Variants in ALMS1 observed in about 807,000 individuals in gnomAD.
The protein encoded by ALMS1 is ALMS1 centrosome and basal body associated protein, also known as centrosome-associated protein ALMS1.
ALMS1 carries 271 observed loss-of-function variants against 352.2 expected under a neutral mutation model. The observed-to-expected ratio is 0.77, with a 90% CI of 0.70 to 0.85. The LOEUF (loss-of-function observed/expected upper bound fraction) is 0.85. Among genes scored for constraint, ALMS1 ranks in the 40% least tolerant of loss-of-function variants. The probability of loss-of-function intolerance (pLI) is 0.00; values close to 1 mark genes in which losing one functional copy is unlikely to be tolerated. For synonymous variants in ALMS1, 1,865 were observed against 1,761.2 expected, an observed-to-expected ratio of 1.06 and a Z score of -1.48; for missense variants, 5,445 against 4,870.7, an observed-to-expected ratio of 1.12 and a Z score of -3.51.
Position 73,608,507 on chromosome 2 carries a change from A to T in ALMS1, c.12395A>T (p.Lys4132Met). 6.2e-7 allele frequency: 1 copy of T among 1,613,824 alleles called. No homozygotes were observed. The highest frequency in any genetic ancestry group is 8.5e-7 in the Non-Finnish European group (1 of 1,179,790). ...GAGCAGCTTCCAGAAGTACAGAAAA[A>T]GAGAGAAGAAGAGAAGAGAAAATCA... is the stretch of plus-strand genomic sequence containing the variant. ...IYEQLPEVQK[K>M]REEEKRKSEY... Residue 4132 changes from lysine (K) to methionine (M), a missense_variant, in exon 22 of 23, where the codon AAG (lysine) becomes ATG (methionine). Physicochemically the swap from Lys to Met is moderately conservative, Grantham distance 95. Transcript: ENST00000613296.
Position 73,519,939 on chromosome 2 carries a change from A to C in ALMS1, c.9704A>C (p.Gln3235Pro). The C allele has an allele frequency of 6.2e-7, 1 of 1,614,152 alleles. No individual in the cohort carries two copies. Among genetic ancestry groups the C allele is most frequent in the East Asian group, 2.2e-5 (1 of 44,874 alleles). Residue 3235 changes from glutamine (Q) to proline (P), a missense_variant, in exon 11 of 23, where the codon CAG becomes CCG. By Grantham distance (76) the Gln-to-Pro change is moderately conservative (BLOSUM62 -1). Transcript: ENST00000613296. ...CATGAAATTATAGAGCCTGGTAACC[A>C]GAAGCTACGCAAAGCTCCTGTCAAG... ...RGHEIIEPGN[Q>P]KLRKAPVKFA... is the part of the protein sequence containing the mutation.
intron 9 of ALMS1, among the ~76,000 whole-genome samples, chr2:73,476,088 C>T (rs1307368750): frequency 1.3e-5 from 2 of 152,066 alleles, no homozygotes; most frequent in African/African-American, 4.8e-5. Flanking sequence ...CACCATTCTA[C>T]TTTCTGTCTC....
At chr2:73,584,720 T>C (rs1675269479) in intron 16 of ALMS1, among the ~76,000 whole-genome samples, 1 of 152,180 alleles carries the variant, frequency 6.6e-6, no homozygotes. Flanking sequence ...GAGATTTTGG[T>C]GCACCCATCA....
At chr2:73,477,369 G>T (rs1672604617) in intron 9 of ALMS1, among the ~76,000 whole-genome samples, 1 of 152,006 alleles carries the variant, frequency 6.6e-6, no homozygotes, top group Admixed American at 6.6e-5. Context: ...CCAGCACTGT[G>T]CTGTCTTGAT....
rs1324095620 is a variant in ALMS1 at position 73,559,088 on chromosome 2, G to A, written c.10330G>A (p.Val3444Ile). 17 of 1,614,006 alleles carry A rather than the reference G, an allele frequency of 1.1e-5. No individual in the cohort carries two copies. Among genetic ancestry groups the A allele is most frequent in the South Asian group, 4.4e-5 (4 of 91,068 alleles). The change falls in exon 15 of 23, where the codon GTT becomes ATT. Residue 3444 changes from valine to isoleucine, a missense_variant. Coordinates refer to ENST00000613296, the MANE Select transcript of ALMS1 (RefSeq NM_001378454.1). ...AGAGGAGATCCATAGGAAGAAGACA[G>A]TTCCCGAGGAAGCCTGGCCAAACAA... ...QKEEIHRKKT[V>I]PEEAWPNNKE...
rs1324760703 is a variant in ALMS1, at chr2:73,520,961, C to T, written c.9781+945C>T. Among the ~76,000 whole-genome samples, 7 of 152,050 alleles carry T rather than the reference C, an allele frequency of 4.6e-5. 1 individual carries two copies. Among genetic ancestry groups the T allele is most frequent in the African/African-American group, 1.7e-4 (7 of 41,400 alleles). On this transcript the variant is annotated intron_variant, in intron 11 of 22. Coordinates refer to ENST00000613296, the MANE Select transcript of ALMS1 (RefSeq NM_001378454.1). Reference sequence around the variant, plus strand: ...ATTTTGGACAAGTCTACTCAAAGTACATCTTAAGTTTCTCTACTTATACAA... The same window carrying T: ...ATTTTGGACAAGTCTACTCAAAGTATATCTTAAGTTTCTCTACTTATACAA...
At chr2:73,533,134 G>A (rs937460897) in intron 11 of ALMS1, among the ~76,000 whole-genome samples, 8 of 152,174 alleles carry the variant, frequency 5.3e-5, no homozygotes, top group African/African-American at 1.2e-4. Flanking sequence ...TCCGTCTTCC[G>A]AAGTGAAAGG....
chr2:73,496,999 G>T (rs937513687), intron 10 of ALMS1, among the ~76,000 whole-genome samples: 1 of 151,972 alleles, frequency 6.6e-6, no homozygotes, highest in African/African-American at 2.4e-5. Flanking sequence ...CACAGTATGC[G>T]ACTTGTCTTC....
At chr2:73,462,834 C>T (rs1572945733) in intron 9 of ALMS1, 1 of 151,916 alleles carries the variant, frequency 6.6e-6, no homozygotes, top group East Asian at 1.9e-4. Context: ...AAACTTTAAA[C>T]CAACAAAGAT....
chr2:73,400,948 G>C (rs879907403), intron 1 of ALMS1, among the ~76,000 whole-genome samples: 1 of 151,978 alleles, frequency 6.6e-6, no homozygotes, highest in Non-Finnish European at 1.5e-5. Flanking sequence ...CACTATGCCC[G>C]GCTAATTTTT....
intron 12 of ALMS1, among the ~76,000 whole-genome samples, chr2:73,537,190 A>G (rs560032006): frequency 6.6e-6 from 1 of 152,362 alleles, no homozygotes; most frequent in Non-Finnish European, 1.5e-5. Flanking sequence ...TAATATCATA[A>G]TGGCTGAGGT....
chr2:73,513,708 G>A (rs1021342516), intron 10 of ALMS1, among the ~76,000 whole-genome samples: 12 of 152,070 alleles, frequency 7.9e-5, no homozygotes, highest in African/African-American at 2.4e-4. Context: ...TTCTGCTTGG[G>A]CTCTAACTCC....
chr2:73,508,534 T>A (rs1304524245), intron 10 of ALMS1, among the ~76,000 whole-genome samples: 1 of 152,092 alleles, frequency 6.6e-6, no homozygotes, highest in Non-Finnish European at 1.5e-5. Flanking sequence ...GAGTTCTAAT[T>A]TGATTGCACT....
intron 2 of ALMS1, among the ~76,000 whole-genome samples, chr2:73,416,032 TG>T (rs1420438773): frequency 2.0e-5 from 3 of 152,188 alleles, no homozygotes; most frequent in Non-Finnish European, 4.4e-5. Flanking sequence ...GAAAGACTAA[TG>T]GATACATCTG....
chr2:73,418,349 G>A (rs572432486), intron 2 of ALMS1, among the ~76,000 whole-genome samples: 1 of 152,296 alleles, frequency 6.6e-6, no homozygotes, highest in African/African-American at 2.4e-5. Flanking sequence ...GCCAGGGATC[G>A]TTTAGAAACT....
chr2:73,455,764 G>T (rs1672047030), intron 9 of ALMS1, among the ~76,000 whole-genome samples: 1 of 152,034 alleles, frequency 6.6e-6, no homozygotes, highest in African/African-American at 2.4e-5. Flanking sequence ...TAGATATGTT[G>T]TTTTTATTGA....
Position 73,520,969 on chromosome 2 carries a change from G to A in ALMS1, c.9781+953G>A, listed in dbSNP as rs866381753. Among the ~76,000 whole-genome samples, 7 of 152,130 alleles carry A rather than the reference G, an allele frequency of 4.6e-5. No homozygotes were observed. The Middle Eastern group carries it at 0.014, about 296-fold the overall frequency. On this transcript the variant is annotated intron_variant, in intron 11 of 22. Transcript: ENST00000613296. The stretch of plus-strand genomic sequence containing the variant: ...CAAGTCTACTCAAAGTACATCTTAA[G>A]TTTCTCTACTTATACAAAAAACTTG...
At chr2:73,477,494 G>GAA (rs913674971) in intron 9 of ALMS1, among the ~76,000 whole-genome samples, 2 of 143,802 alleles carry the variant, frequency 1.4e-5, no homozygotes, top group African/African-American at 2.6e-5. Context: ...GTCAATTACT[G>GAA]AAAAAAAAAA....
At chr2:73,431,068 G>C (rs535189567) in intron 6 of ALMS1, among the ~76,000 whole-genome samples, 1 of 152,114 alleles carries the variant, frequency 6.6e-6, no homozygotes, top group South Asian at 2.1e-4. Context: ...TGTTATGGTG[G>C]GAGGCGTGTT....
Sources: gnomAD v4.1 joint callset for allele counts (sites outside exome capture counted in the v4.1 genomes callset) on GRCh38, gnomAD v4.1.1 for gene constraint, MANE v1.5 for transcripts, NCBI Gene and HGNC (gene_info 2026-07-23, HGNC 2026-07-21) for gene names.